Variants in MRPS6 observed in about 807,000 individuals in gnomAD.
MRPS6 encodes the protein small ribosomal subunit protein bS6m.
A neutral mutation model predicts 13.1 loss-of-function variants in MRPS6; 6 were observed. The observed-to-expected ratio is 0.46, with a 90% confidence interval of 0.25 to 0.91. MRPS6 has a LOEUF of 0.91. Ranked by LOEUF, MRPS6 falls within the 40% of genes least tolerant of loss-of-function variation. MRPS6 has a pLI of 0.18. For synonymous variants in MRPS6, 61 were observed against 56.5 expected (o/e 1.08, Z -0.36); for missense variants, 164 against 155.6 (o/e 1.05, Z -0.29).
At chr21:34,073,872 C>A (rs1989251726) in intron 1 of MRPS6, 127 bp downstream of exon 1, 1 of 437,760 alleles carries the variant, frequency 2.3e-6, no homozygotes. Flanking sequence ...GAGGCCGGGG[C>A]GGCGGGCGGG....
intron 2 of MRPS6, among the ~76,000 whole-genome samples, chr21:34,133,046 C>T (rs1386139444): frequency 6.6e-6 from 1 of 152,206 alleles, no homozygotes; most frequent in African/African-American, 2.4e-5. Context: ...TGGACCCCAA[C>T]CAACACTCGG....
intron 1 of MRPS6, 21 bp downstream of exon 1, chr21:34,073,766 G>T: frequency 6.7e-7 from 1 of 1,486,190 alleles, no homozygotes; most frequent in Non-Finnish European, 9.0e-7. Context: ...TTCCCTCAGA[G>T]CCGGTCTTCC....
At chr21:34,103,025 A>G (rs1602938575) in intron 1 of MRPS6, 14 of 999,982 alleles carry the variant, frequency 1.4e-5, no homozygotes, top group East Asian at 1.1e-4. Flanking sequence ...TAAGTTTTCA[A>G]TTTATCAACA....
At chr21:34,085,849 G>A (rs1020652207) in intron 1 of MRPS6, among the ~76,000 whole-genome samples, 5 of 152,074 alleles carry the variant, frequency 3.3e-5, no homozygotes, top group Non-Finnish European at 7.4e-5. Context: ...TGATTCACCC[G>A]CCTCGGCCTC....
chr21:34,138,451 G>T (rs572096348), intron 2 of MRPS6, among the ~76,000 whole-genome samples: 7 of 151,722 alleles, frequency 4.6e-5, no homozygotes, highest in Non-Finnish European at 7.4e-5. Flanking sequence ...TCTAACAAAG[G>T]GCTAATATCC....
In MRPS6 at chr21:34,096,258, C is replaced by T; in HGVS notation, c.45+22513C>T. On this transcript the variant is annotated intron_variant, in intron 1 of 2. Coordinates refer to ENST00000399312, the MANE Select transcript of MRPS6 (RefSeq NM_032476.4). This position sits in a 1 kb window ranked among gnomAD's most constrained non-coding sequence, Gnocchi z 5.9. ...TTGCTCCAATATTGCTTACCCACGCCTGGTGATGAAGCTGGTTCCTGTGGG... is the reference window on the plus strand; with the variant it reads ...TTGCTCCAATATTGCTTACCCACGCTTGGTGATGAAGCTGGTTCCTGTGGG... 2 of 1,614,126 alleles carry T rather than the reference C, an allele frequency of 1.2e-6. No homozygotes were observed. The highest frequency in any genetic ancestry group is 1.7e-6 in the Non-Finnish European group (2 of 1,180,002).
At chr21:34,087,455 G>C (rs1978451442) in intron 1 of MRPS6, among the ~76,000 whole-genome samples, 1 of 152,182 alleles carries the variant, frequency 6.6e-6, no homozygotes, top group African/African-American at 2.4e-5. Flanking sequence ...ACACATCAGG[G>C]AACAACACAG....
intron 1 of MRPS6, among the ~76,000 whole-genome samples, chr21:34,088,456 C>G (rs951046503): frequency 6.6e-6 from 1 of 152,340 alleles, no homozygotes; most frequent in East Asian, 1.9e-4. Context: ...TTCACATGAT[C>G]ACACAAAGAT....
At chr21:34,100,536 C>G in intron 1 of MRPS6, 6 of 1,000,232 alleles carry the variant, frequency 6.0e-6, no homozygotes, top group Non-Finnish European at 7.2e-6. Flanking sequence ...TTTCACTTGG[C>G]TCAAAGGATC....
intron 1 of MRPS6, chr21:34,097,401 T>C (rs1979015302): frequency 7.3e-7 from 1 of 1,371,278 alleles, no homozygotes; most frequent in East Asian, 2.6e-5. Flanking sequence ...TACTGACTGG[T>C]CTTTGGGGAA....
At chr21:34,086,516 T>TG (rs1491194518) in intron 1 of MRPS6, among the ~76,000 whole-genome samples, 27 of 76,948 alleles carry the variant, frequency 3.5e-4, no homozygotes, top group African/African-American at 1.2e-3. Flanking sequence ...CTAGTTTGTG[T>TG]TTGTGTGTGT....
chr21:34,091,962 T>A (rs185319517), intron 1 of MRPS6, among the ~76,000 whole-genome samples: 1 of 152,286 alleles, frequency 6.6e-6, no homozygotes, highest in Admixed American at 6.5e-5. Context: ...GCGTGAATGA[T>A]GAACTGTGAC....
intron 1 of MRPS6, among the ~76,000 whole-genome samples, chr21:34,092,343 G>C (rs111911932): frequency 8.6e-6 from 1 of 116,156 alleles, no homozygotes; most frequent in African/African-American, 3.4e-5. Context: ...CTCTGCATGT[G>C]TTTTGTTTAA....
chr21:34,127,458 T>G (rs2123258604), intron 2 of MRPS6, among the ~76,000 whole-genome samples: 1 of 152,328 alleles, frequency 6.6e-6, no homozygotes, highest in East Asian at 1.9e-4. Context: ...CAGTGCACAT[T>G]GGCACATAAA....
chr21:34,110,577 A>G (rs1314450260), intron 1 of MRPS6, among the ~76,000 whole-genome samples: 1 of 152,214 alleles, frequency 6.6e-6, no homozygotes, highest in Non-Finnish European at 1.5e-5. Flanking sequence ...GAGTTTTAAC[A>G]TATTCCATAA....
intron 1 of MRPS6, chr21:34,101,934 A>G (rs1220279983): frequency 7.0e-6 from 7 of 1,000,184 alleles, no homozygotes; most frequent in Non-Finnish European, 8.4e-6. Context: ...GTCAGAGTGC[A>G]GAGAAACAAT....
At chr21:34,103,941 A>G (rs1448789318) in intron 1 of MRPS6, 1 of 1,000,056 alleles carries the variant, frequency 1.0e-6, no homozygotes, top group Non-Finnish European at 1.2e-6. Flanking sequence ...AACAGGTGAC[A>G]TATTTCTGTT....
intron 1 of MRPS6, chr21:34,104,247 G>T: frequency 1.0e-6 from 1 of 1,000,042 alleles, no homozygotes; most frequent in African/African-American, 1.7e-5. Context: ...TTCACAATGG[G>T]GTGGAGAGGA....
intron 2 of MRPS6, among the ~76,000 whole-genome samples, chr21:34,140,471 G>T (rs1357788989): frequency 1.3e-5 from 2 of 152,112 alleles, no homozygotes; most frequent in Non-Finnish European, 2.9e-5. Context: ...ATGTTATATG[G>T]CCCAGAATAT....
Sources: gnomAD v4.1 joint callset for allele counts (sites outside exome capture counted in the v4.1 genomes callset) on GRCh38, gnomAD v4.1.1 for gene constraint, Gnocchi (gnomAD v3.1) non-coding constraint, MANE v1.5 for transcripts, NCBI Gene and HGNC (gene_info 2026-07-23, HGNC 2026-07-21) for gene names.